KIF9: variants seen among roughly 807,000 people sequenced by gnomAD.
The protein encoded by KIF9 is kinesin-like protein KIF9.
KIF9 carries 68 observed loss-of-function variants against 94.8 expected under a neutral mutation model. That is an observed-to-expected ratio of 0.72 (90% CI 0.59 to 0.88). The LOEUF (loss-of-function observed/expected upper bound fraction) is 0.88. KIF9 is among the 40% of genes least tolerant of loss of function. KIF9 has a pLI of 0.00. For missense variants in KIF9, 882 were observed against 982.5 expected, an observed-to-expected ratio of 0.90 and a Z score of 1.37; for synonymous variants, 343 against 362.1, an observed-to-expected ratio of 0.95 and a Z score of 0.60.
At chr3:47,239,564 C>T (rs1307282419) in intron 17 of KIF9, 3 of 1,081,024 alleles carry the variant, frequency 2.8e-6, no homozygotes, top group Non-Finnish European at 2.3e-6. Flanking sequence ...AATAAAGTTG[C>T]CCTCTGAGAA....
rs1378751273 is a variant in KIF9, at chr3:47,282,577, T to G, written c.-88A>C. On this transcript the variant is annotated 5_prime_UTR_variant, in exon 1 of 21. Transcript: ENST00000684063. The stretch of plus-strand genomic sequence containing the variant: ...CTCCCCACGCGGGGCTGCCTGGCTG[T>G]GTACATAGTCGCCATGGCAACGGGT... The G allele has an allele frequency of 5.6e-6, 6 of 1,062,640 alleles. No homozygotes were observed. Among genetic ancestry groups the G allele is most frequent in the East Asian group, 1.7e-4 (2 of 11,970 alleles). The allele number at this position is 1,062,640 out of a possible 1,614,324, so 65.8% of individuals were successfully genotyped here.
chr3:47,230,318 C>T (rs1698467167), intron 20 of KIF9, among the ~76,000 whole-genome samples: 1 of 151,860 alleles, frequency 6.6e-6, no homozygotes, highest in South Asian at 2.1e-4. Flanking sequence ...TGGCTCATGC[C>T]TGTAATCCCA....
chr3:47,247,386 A>G lies in KIF9; in HGVS notation c.1220T>C (p.Leu407Pro), dbSNP rs756060517. The change falls in exon 12 of 21, where the codon CTG becomes CCG. Residue 407 changes from leucine to proline, a missense_variant. Physicochemically the swap from Leu to Pro is moderately conservative, Grantham distance 98. Transcript: ENST00000684063. ...SQVRRYLEGTLDEIDIISLRQ... is the reference protein window; with the variant it reads ...SQVRRYLEGTPDEIDIISLRQ... Reference sequence around the variant, plus strand: ...GGGGTTCCTTACGTCGATCTCGTCCAGTGTCCCCTCCAGGTACCTCCGCAC... The same window carrying G: ...GGGGTTCCTTACGTCGATCTCGTCCGGTGTCCCCTCCAGGTACCTCCGCAC... The G allele has an allele frequency of 6.2e-6, 10 of 1,612,758 alleles. No individual in the cohort carries two copies. The highest frequency in any genetic ancestry group is 8.5e-6 in the Non-Finnish European group (10 of 1,178,812).
intron 10 of KIF9, among the ~76,000 whole-genome samples, chr3:47,250,119 T>C (rs559408366): frequency 6.7e-6 from 1 of 149,576 alleles, no homozygotes. Flanking sequence ...TTTTTTTTCA[T>C]AGCACATTTT....
chr3:47,250,408 A>C (rs965693782), intron 10 of KIF9: 6 of 204,644 alleles, frequency 2.9e-5, no homozygotes, highest in African/African-American at 1.4e-4. Context: ...GCAAGCTCAG[A>C]GATTTGTGTT....
At chr3:47,259,074 C>A (rs1277354490) in intron 9 of KIF9, among the ~76,000 whole-genome samples, 5 of 152,198 alleles carry the variant, frequency 3.3e-5, no homozygotes. Flanking sequence ...CTCAGGCCCC[C>A]TGATGAATAG....
chr3:47,238,238 G>A (rs1699183278), intron 17 of KIF9, among the ~76,000 whole-genome samples: 1 of 152,064 alleles, frequency 6.6e-6, no homozygotes, highest in East Asian at 1.9e-4. Flanking sequence ...TGATTGATTT[G>A]ACAGGGCCTC....
At chr3:47,280,839 A>C (rs1206015409) in intron 1 of KIF9, 2 of 694,274 alleles carry the variant, frequency 2.9e-6, no homozygotes, top group African/African-American at 3.5e-5. Context: ...GCAGGCCAGG[A>C]GCCATATCCA....
intron 20 of KIF9, among the ~76,000 whole-genome samples, chr3:47,230,279 CAA>C (rs374194307): frequency 3.5e-5 from 3 of 84,994 alleles, no homozygotes; most frequent in Non-Finnish European, 4.6e-5. Flanking sequence ...AAGACCTTGT[CAA>C]AAAAAAAAAA....
At chr3:47,272,557 T>C (rs1701713125) in intron 4 of KIF9, among the ~76,000 whole-genome samples, 1 of 152,160 alleles carries the variant, frequency 6.6e-6, no homozygotes, top group African/African-American at 2.4e-5. Context: ...GTATAAAATA[T>C]GTACTGGATT....
intron 1 of KIF9, among the ~76,000 whole-genome samples, chr3:47,279,201 G>A (rs573405702): frequency 3.5e-5 from 5 of 144,818 alleles, no homozygotes; most frequent in Admixed American, 7.0e-5. Flanking sequence ...GGCCAAGTGC[G>A]TTGGCTCTTG....
intron 1 of KIF9, 133 bp downstream of exon 1, chr3:47,282,361 TG>T: frequency 1.0e-6 from 1 of 985,940 alleles, no homozygotes; most frequent in Non-Finnish European, 1.2e-6. Flanking sequence ...CTCCTTCGCC[TG>T]GGTTTCAGAG....
chr3:47,233,470 C>T (rs956568565), intron 20 of KIF9, among the ~76,000 whole-genome samples: 14 of 143,432 alleles, frequency 9.8e-5, no homozygotes, highest in South Asian at 2.2e-4. Flanking sequence ...CCAGGGCAGG[C>T]GGATCACTTG....
intron 14 of KIF9, 45 bp downstream of exon 14, chr3:47,245,376 G>A (rs1394749796): frequency 7.0e-7 from 1 of 1,429,644 alleles, no homozygotes; most frequent in South Asian, 1.1e-5. Context: ...TCTGAGGATG[G>A]GAAATCTGAG....
chr3:47,270,818 A>G (rs1701597547), intron 5 of KIF9, among the ~76,000 whole-genome samples: 1 of 151,212 alleles, frequency 6.6e-6, no homozygotes, highest in Non-Finnish European at 1.5e-5. Context: ...AAATGTGCAT[A>G]TATTAATTTC....
chr3:47,270,032 T>A (rs990152441), intron 5 of KIF9, among the ~76,000 whole-genome samples: 1 of 151,798 alleles, frequency 6.6e-6, no homozygotes, highest in Admixed American at 6.6e-5. Flanking sequence ...CCTCCCAAAG[T>A]GTTGGGATTA....
intron 12 of KIF9, 61 bp downstream of exon 12, chr3:47,247,312 T>A: frequency 9.2e-7 from 1 of 1,092,280 alleles, no homozygotes; most frequent in Non-Finnish European, 1.4e-6. Flanking sequence ...TGCGTTGGGG[T>A]GTGCCCAGGA....
At chr3:47,260,208 CT>C (rs1392203545) in intron 9 of KIF9, among the ~76,000 whole-genome samples, 1 of 134,320 alleles carries the variant, frequency 7.4e-6, no homozygotes, top group Non-Finnish European at 1.6e-5. Context: ...GCACTTAATC[CT>C]TTACATTGTC....
At chr3:47,263,810 T>C in intron 9 of KIF9, 1 of 456,036 alleles carries the variant, frequency 2.2e-6, no homozygotes, top group Non-Finnish European at 4.4e-6. Flanking sequence ...AAGACTAATT[T>C]CTACCAGGTT....
Sources: gnomAD v4.1 joint callset for allele counts (sites outside exome capture counted in the v4.1 genomes callset) on GRCh38, gnomAD v4.1.1 for gene constraint, MANE v1.5 for transcripts, NCBI Gene and HGNC (gene_info 2026-07-23, HGNC 2026-07-21) for gene names.